The following SDK2 variants were observed in gnomAD, a reference collection of about 807,000 sequenced individuals.
SDK2 encodes sidekick cell adhesion molecule 2, also known as protein sidekick-2.
In SDK2, 105 loss-of-function variants were observed where a neutral mutation model predicts 253.9. That is an observed-to-expected ratio of 0.41 (90% CI 0.35 to 0.49). The LOEUF is 0.49. Among genes scored for constraint, SDK2 ranks in the 20% least tolerant of loss-of-function variants. The pLI is 0.06. For missense variants in SDK2, 2,608 were observed against 3,003.0 expected (o/e 0.87, Z 3.07); for synonymous variants, 1,249 against 1,234.9 (o/e 1.01, Z -0.24).
intron 1 of SDK2, among the ~76,000 whole-genome samples, chr17:73,569,382 G>C (rs1368264746): frequency 6.6e-6 from 1 of 151,958 alleles, no homozygotes; most frequent in Non-Finnish European, 1.5e-5. Flanking sequence ...ATTTTTAGTA[G>C]AGACGGGGTT....
intron 16 of SDK2, 56 bp from the exon 17 acceptor site, chr17:73,416,048 C>T (rs2063179202): frequency 6.6e-7 from 1 of 1,509,454 alleles, no homozygotes; most frequent in Non-Finnish European, 9.0e-7. Flanking sequence ...TGGCCTCGTA[C>T]CCAGGAAATT....
chr17:73,502,332 C>T (rs2145749513), intron 2 of SDK2, among the ~76,000 whole-genome samples: 1 of 152,244 alleles, frequency 6.6e-6, no homozygotes, highest in Middle Eastern at 3.4e-3. Context: ...CAGGGAAGTC[C>T]TCAGTATCCA....
At chr17:73,525,560 G>C (rs1295411591) in intron 1 of SDK2, among the ~76,000 whole-genome samples, 1 of 152,298 alleles carries the variant, frequency 6.6e-6, no homozygotes, top group East Asian at 1.9e-4. Flanking sequence ...GGGAACCGGA[G>C]GCTCACTGAG....
rs368098675 is a variant in SDK2 at position 73,402,157 on chromosome 17, C to T, written c.2485-16G>A. The T allele has an allele frequency of 6.2e-7, 1 of 1,608,930 alleles. No homozygotes were observed. The highest frequency in any genetic ancestry group is 8.5e-7 in the Non-Finnish European group (1 of 1,177,036). ...AGGCGATCAGCTGCGGAGAGGCGAGCAAGTCACACAGGGCAGCAGGAAGGT... is the reference window on the plus strand; with the variant it reads ...AGGCGATCAGCTGCGGAGAGGCGAGTAAGTCACACAGGGCAGCAGGAAGGT... On this transcript the variant is annotated splice_polypyrimidine_tract_variant and intron_variant, in intron 18 of 44. Transcript: ENST00000392650.
intron 1 of SDK2, among the ~76,000 whole-genome samples, chr17:73,529,257 G>A (rs958775010): frequency 8.5e-5 from 13 of 152,146 alleles, no homozygotes; most frequent in African/African-American, 3.1e-4. Flanking sequence ...GCTGAGGGAG[G>A]ACCAGGCTGG....
intron 1 of SDK2, among the ~76,000 whole-genome samples, chr17:73,635,905 T>A (rs557941972): frequency 6.6e-6 from 1 of 152,098 alleles, no homozygotes; most frequent in East Asian, 1.9e-4. Context: ...TCTGCCAAGT[T>A]AAGGCCTAGT....
At chr17:73,579,242 C>A (rs749423980) in intron 1 of SDK2, among the ~76,000 whole-genome samples, 2 of 152,188 alleles carry the variant, frequency 1.3e-5, no homozygotes, top group Non-Finnish European at 2.9e-5. Context: ...ACCGCAGTCA[C>A]AGATCCAAGT....
At position 73,351,901 on chromosome 17, in the gene SDK2, G is replaced by T. The variant is rs541686745; in HGVS notation, c.5758+572C>A. On this transcript the variant is annotated intron_variant, in intron 41 of 44. Transcript: ENST00000392650. Reference sequence around the variant, plus strand: ...TTCCTTTGAGTTGTGCTTCTGCTTGGGGGAAGGGGCCTTTGTATTCTGGGT... The same window carrying T: ...TTCCTTTGAGTTGTGCTTCTGCTTGTGGGAAGGGGCCTTTGTATTCTGGGT... Among the ~76,000 whole-genome samples, 11 of 152,040 alleles carry T rather than the reference G, an allele frequency of 7.2e-5. No individual in the cohort carries two copies. In the East Asian group the frequency reaches 1.5e-3, roughly 21 times the overall value.
intron 37 of SDK2, among the ~76,000 whole-genome samples, chr17:73,365,910 C>T (rs2062680737): frequency 6.6e-6 from 1 of 152,076 alleles, no homozygotes; most frequent in South Asian, 2.1e-4. Flanking sequence ...AGGCCCCACG[C>T]AGTCAGGGGG....
At chr17:73,602,004 A>T (rs1294457019) in intron 1 of SDK2, among the ~76,000 whole-genome samples, 1 of 152,194 alleles carries the variant, frequency 6.6e-6, no homozygotes, top group Admixed American at 6.5e-5. Context: ...TTGGCCTCCC[A>T]AAGTGCTGGG....
At position 73,393,833 on chromosome 17, in the gene SDK2, G is replaced by A. The variant is rs78797306; in HGVS notation, c.3709-84C>T. On this transcript the variant is annotated intron_variant, in intron 26 of 44. Coordinates refer to ENST00000392650, the MANE Select transcript of SDK2 (RefSeq NM_001144952.2). ...TTCCCGAGTCTCATCCCCAGGATGA[G>A]CAGCTGTGTGTCACACATCTCCCAA... 7.5e-3 allele frequency: 8,476 copies of A among 1,125,616 alleles called. 431 individuals are homozygous for A. In the African/African-American group the frequency reaches 0.11, roughly 15 times the overall value. 69.7% of individuals were successfully genotyped at this position (1,125,616 alleles called of 1,614,324 possible). A position where few individuals can be genotyped will look rare whatever the true frequency, so the allele number is the denominator to read the frequency against.
intron 1 of SDK2, among the ~76,000 whole-genome samples, chr17:73,546,155 C>T (rs1355272410): frequency 6.6e-6 from 1 of 152,136 alleles, no homozygotes; most frequent in Non-Finnish European, 1.5e-5. Context: ...CTGGACCCAC[C>T]CCAGCTGCCC....
At chr17:73,634,329 T>C (rs16977725) in intron 1 of SDK2, among the ~76,000 whole-genome samples, 8,088 of 152,298 alleles carry the variant, frequency 0.053, 630 homozygotes, top group African/African-American at 0.17. Flanking sequence ...CTGACCTGCA[T>C]TCATCATCTC....
chr17:73,564,923 A>G (rs2045290824), intron 1 of SDK2, among the ~76,000 whole-genome samples: 1 of 152,166 alleles, frequency 6.6e-6, no homozygotes, highest in Non-Finnish European at 1.5e-5. Context: ...TAGTTAGGTC[A>G]ACCCTTTCCC....
At chr17:73,623,395 C>G (rs1390989351) in intron 1 of SDK2, among the ~76,000 whole-genome samples, 1 of 152,102 alleles carries the variant, frequency 6.6e-6, no homozygotes, top group Non-Finnish European at 1.5e-5. Context: ...CTATAAACTG[C>G]TTGAGGCCTC....
intron 18 of SDK2, among the ~76,000 whole-genome samples, chr17:73,410,266 G>C (rs1431334674): frequency 6.6e-6 from 1 of 151,958 alleles, no homozygotes; most frequent in East Asian, 1.9e-4. Context: ...TGGTGCCTCA[G>C]TTTCTTTCTC....
At chr17:73,545,336 C>T (rs1016182473) in intron 1 of SDK2, among the ~76,000 whole-genome samples, 1 of 152,088 alleles carries the variant, frequency 6.6e-6, no homozygotes, top group Non-Finnish European at 1.5e-5. Context: ...TGGTTCGGGT[C>T]CCATGGCAGG....
intron 3 of SDK2, among the ~76,000 whole-genome samples, chr17:73,457,294 CCT>C (rs1297979212): frequency 0.016 from 572 of 36,824 alleles, 35 homozygotes; most frequent in East Asian, 0.14. Flanking sequence ...TTCCCCCCTC[CCT>C]CCCTCCCCCT....
rs557925308 is a variant in SDK2, at chr17:73,604,240, C to A, written c.64+39785G>T. Among the ~76,000 whole-genome samples, 3 of 152,326 alleles carry A rather than the reference C, an allele frequency of 2.0e-5. No homozygotes were observed. The East Asian group carries it at 5.8e-4, about 29-fold the overall frequency. On this transcript the variant is annotated intron_variant, in intron 1 of 44. Transcript: ENST00000392650. ...ATTCAGCCTGTCCAGAGGAGCGGAC[C>A]CGCAAAGCTCATGGCCTGCATTCCG...
Sources: allele counts gnomAD v4.1 joint callset (sites outside exome capture counted in the v4.1 genomes callset), GRCh38; gene constraint gnomAD v4.1.1; transcripts MANE v1.5; gene names NCBI Gene and HGNC (gene_info 2026-07-23, HGNC 2026-07-21).